The following CSMD1 variants were observed in gnomAD, a reference collection of about 807,000 sequenced individuals.
CSMD1 encodes the protein CUB and sushi domain-containing protein 1.
A neutral mutation model predicts 417.5 loss-of-function variants in CSMD1; 213 were observed. The observed-to-expected ratio is 0.51, with a 90% confidence interval of 0.46 to 0.57. CSMD1 has a LOEUF of 0.57. Ranked by LOEUF, CSMD1 falls within the 20% of genes least tolerant of loss-of-function variation. The probability of loss-of-function intolerance (pLI) is 0.00; values close to 1 mark genes in which losing one functional copy is unlikely to be tolerated. For missense variants in CSMD1, 6,923 were observed against 4,529.7 expected, an observed-to-expected ratio of 1.53 and a Z score of -15.17; for synonymous variants, 2,862 against 1,736.8, an observed-to-expected ratio of 1.65 and a Z score of -16.11.
At chr8:3,269,362 A>G (rs1002929131) in intron 26 of CSMD1, among the ~76,000 whole-genome samples, 2 of 152,210 alleles carry the variant, frequency 1.3e-5, no homozygotes, top group Non-Finnish European at 2.9e-5. Flanking sequence ...TGCCCTTCAT[A>G]GGCAGAGAAA....
chr8:4,624,899 G>C (rs945070327), intron 2 of CSMD1, among the ~76,000 whole-genome samples: 2 of 152,046 alleles, frequency 1.3e-5, no homozygotes, highest in Non-Finnish European at 2.9e-5. Flanking sequence ...GAAGGCACTG[G>C]CATTCTTTTT....
At chr8:3,787,658 T>A (rs958201318) in intron 5 of CSMD1, among the ~76,000 whole-genome samples, 2 of 152,196 alleles carry the variant, frequency 1.3e-5, no homozygotes, top group Non-Finnish European at 2.9e-5. Flanking sequence ...AGCTTGGTAA[T>A]ATAATTTAGT....
At chr8:3,073,845 A>C (rs1813467770) in intron 49 of CSMD1, among the ~76,000 whole-genome samples, 1 of 152,218 alleles carries the variant, frequency 6.6e-6, no homozygotes, top group Admixed American at 6.5e-5. Flanking sequence ...ATGAAAATGG[A>C]AACAATGAGT....
chr8:3,483,456 G>T (rs889323767), intron 11 of CSMD1, among the ~76,000 whole-genome samples: 2 of 151,900 alleles, frequency 1.3e-5, no homozygotes, highest in Admixed American at 6.6e-5. Flanking sequence ...AATCTAAATA[G>T]TCCTTTATTA....
At chr8:3,309,465 A>T (rs1273883211) in intron 23 of CSMD1, among the ~76,000 whole-genome samples, 1 of 152,124 alleles carries the variant, frequency 6.6e-6, no homozygotes, top group Non-Finnish European at 1.5e-5. Context: ...AAGCTCTTAA[A>T]CTCAAAGAAA....
intron 21 of CSMD1, among the ~76,000 whole-genome samples, chr8:3,349,388 C>A (rs1420234659): frequency 6.6e-6 from 1 of 152,144 alleles, no homozygotes; most frequent in African/African-American, 2.4e-5. Flanking sequence ...GATTGCCCCC[C>A]AGTGATTTGT....
At chr8:3,785,999 T>G (rs369919891) in intron 5 of CSMD1, among the ~76,000 whole-genome samples, 7 of 152,272 alleles carry the variant, frequency 4.6e-5, no homozygotes, top group African/African-American at 1.7e-4. Flanking sequence ...GTACTTAGGC[T>G]GGGCTGGTGG....
In CSMD1 at chr8:3,520,942, C is replaced by T. The variant is rs73658148; in HGVS notation, c.1345-27216G>A. On this transcript the variant is annotated intron_variant, in intron 10 of 69. Coordinates refer to ENST00000635120, the MANE Select transcript of CSMD1 (RefSeq NM_033225.6). Reference sequence around the variant, plus strand: ...ACATTTGGGATGATTGTTGGTTCCTCCTTTGCTCCCCTTTGTGCTCCGTGG... The same window carrying T: ...ACATTTGGGATGATTGTTGGTTCCTTCTTTGCTCCCCTTTGTGCTCCGTGG... 1.9e-3 allele frequency among the ~76,000 whole-genome samples: 295 copies of T among 152,228 alleles called. 1 individual carries two copies. Among genetic ancestry groups the T allele is most frequent in the African/African-American group, 6.9e-3 (287 of 41,536 alleles).
Position 3,087,180 on chromosome 8 carries a change from C to T in CSMD1, c.7391G>A (p.Arg2464Gln), listed in dbSNP as rs552956828. The T allele has an allele frequency of 8.7e-6, 14 of 1,613,962 alleles. No individual in the cohort carries two copies. Among genetic ancestry groups the T allele is most frequent in the East Asian group, 4.5e-5 (2 of 44,880 alleles). Reference sequence around the variant, plus strand: ...GGTTGCATTGCTGTGGCCGACCATTCGGTATCCAGGCTTGCAAAAATAATG... The same window carrying T: ...GGTTGCATTGCTGTGGCCGACCATTTGGTATCCAGGCTTGCAAAAATAATG... ...KVHYFCKPGY[R>Q]MVGHSNATCR... The change falls in exon 49 of 70, where the codon CGA becomes CAA. Residue 2464 changes from arginine (R) to glutamine (Q), a missense_variant. Coordinates refer to ENST00000635120, the MANE Select transcript of CSMD1 (RefSeq NM_033225.6).
At chr8:4,593,800 G>T (rs375596535) in intron 2 of CSMD1, among the ~76,000 whole-genome samples, 2 of 152,074 alleles carry the variant, frequency 1.3e-5, no homozygotes, top group African/African-American at 4.8e-5. Flanking sequence ...TAAAGTTAAA[G>T]AACTTTATCA....
At chr8:3,815,779 C>T (rs984414390) in intron 5 of CSMD1, among the ~76,000 whole-genome samples, 1 of 151,992 alleles carries the variant, frequency 6.6e-6, no homozygotes, top group Non-Finnish European at 1.5e-5. Flanking sequence ...TTCATTTGAT[C>T]TATAGTAGTG....
intron 7 of CSMD1, among the ~76,000 whole-genome samples, chr8:3,646,996 A>C (rs1797608633): frequency 6.6e-6 from 1 of 152,160 alleles, no homozygotes; most frequent in Non-Finnish European, 1.5e-5. Flanking sequence ...CCAGATACGC[A>C]TTTTTGAAAC....
At chr8:4,231,481 C>T (rs145576668) in intron 3 of CSMD1, among the ~76,000 whole-genome samples, 2 of 151,982 alleles carry the variant, frequency 1.3e-5, no homozygotes, top group African/African-American at 4.8e-5. Flanking sequence ...TCAGGGCCAG[C>T]TCTCTCACGC....
At chr8:4,621,266 G>A (rs1407207184) in intron 2 of CSMD1, among the ~76,000 whole-genome samples, 1 of 151,888 alleles carries the variant, frequency 6.6e-6, no homozygotes, top group Admixed American at 6.6e-5. Context: ...ATAACCTGAA[G>A]ACAATTTTAA....
At position 4,796,832 on chromosome 8, in the gene CSMD1, T is replaced by A. The variant is rs528557436; in HGVS notation, c.86-159274A>T. On this transcript the variant is annotated intron_variant, in intron 1 of 69. Coordinates refer to ENST00000635120, the MANE Select transcript of CSMD1 (RefSeq NM_033225.6). ...GCATGTTTATCTTGTGCAGTACAAT[T>A]TCTCTTGGACAATTGCAAAGGTCTG... Among the ~76,000 whole-genome samples, 4 of 152,280 alleles carry A rather than the reference T, an allele frequency of 2.6e-5. No individual in the cohort carries two copies. The South Asian group carries it at 6.2e-4, about 24-fold the overall frequency.
chr8:3,359,321 A>C lies in CSMD1; in HGVS notation c.3135T>G (p.Cys1045Trp). Residue 1045 changes from cysteine to tryptophan, a missense_variant, in exon 21 of 70, where the codon TGT becomes TGG. Cys to Trp is a radical substitution (Grantham distance 215, BLOSUM62 -2). Transcript: ENST00000635120. The stretch of plus-strand genomic sequence containing the variant: ...TGAAGGCAGGGACTCCAGGATCATC[A>C]CATGGCTCCAGGTCATATTCTGAGG... ...ITFSEYDLEP[C>W]DDPGVPAFSR... The C allele has an allele frequency of 6.2e-7, 1 of 1,613,814 alleles. No individual in the cohort carries two copies. Among genetic ancestry groups the C allele is most frequent in the Non-Finnish European group, 8.5e-7 (1 of 1,179,816 alleles).
At chr8:3,061,717 C>A (rs1230923682) in intron 49 of CSMD1, among the ~76,000 whole-genome samples, 2 of 152,228 alleles carry the variant, frequency 1.3e-5, no homozygotes, top group African/African-American at 4.8e-5. Flanking sequence ...TTCAACATTA[C>A]TGCCTTTATC....
chr8:3,718,695 C>T (rs148481621), intron 6 of CSMD1, among the ~76,000 whole-genome samples: 2 of 152,102 alleles, frequency 1.3e-5, no homozygotes, highest in Admixed American at 6.6e-5. Flanking sequence ...GAACTCTTTA[C>T]TAATGTAAAG....
At chr8:4,607,271 T>C (rs759987900) in intron 2 of CSMD1, among the ~76,000 whole-genome samples, 8 of 146,390 alleles carry the variant, frequency 5.5e-5, no homozygotes, top group South Asian at 2.3e-4. Context: ...AAGTAGAAAA[T>C]ATGGAAAAAA....
Sources: gnomAD v4.1 joint callset for allele counts (sites outside exome capture counted in the v4.1 genomes callset) on GRCh38, gnomAD v4.1.1 for gene constraint, MANE v1.5 for transcripts, NCBI Gene and HGNC (gene_info 2026-07-23, HGNC 2026-07-21) for gene names.